CUTC: variants seen among roughly 807,000 people sequenced by gnomAD.
The protein encoded by CUTC is copper homeostasis protein cutC homolog.
CUTC carries 27 observed loss-of-function variants against 36.2 expected under a neutral mutation model. The observed-to-expected ratio is 0.75, with a 90% CI of 0.55 to 1.03. The LOEUF (loss-of-function observed/expected upper bound fraction) is 1.03, where lower values mean the gene tolerates loss of function less well. Ranked by LOEUF, CUTC falls within the 50% of genes least tolerant of loss-of-function variation. The probability of loss-of-function intolerance (pLI) is 0.00; values close to 1 mark genes in which losing one functional copy is unlikely to be tolerated. For synonymous variants in CUTC, 114 were observed against 118.3 expected (o/e 0.96, Z 0.24); for missense variants, 315 against 343.5 (o/e 0.92, Z 0.66).
rs1222246462 is a variant in CUTC, at chr10:99,737,832, T to A, written c.133+1515T>A. 3.4e-5 allele frequency among the ~76,000 whole-genome samples: 5 copies of A among 147,648 alleles called. No homozygotes were observed. In the East Asian group the frequency reaches 1.0e-3, roughly 30 times the overall value. On this transcript the variant is annotated intron_variant, in intron 2 of 8. Transcript: ENST00000370476. Reference sequence around the variant, plus strand: ...TCCCAGACATCATGTTAATTTTAAATATTTCAGTGTGTGTCTCTAAAAAAT... The same window carrying A: ...TCCCAGACATCATGTTAATTTTAAAAATTTCAGTGTGTGTCTCTAAAAAAT...
chr10:99,739,839 T>G, intron 3 of CUTC, 70 bp downstream of exon 3: 1 of 1,238,400 alleles, frequency 8.1e-7, no homozygotes, highest in Non-Finnish European at 1.2e-6. Flanking sequence ...ATAATCAGTT[T>G]CGTTGGGGTC....
chr10:99,744,752 AT>A (rs1244413049), intron 5 of CUTC, among the ~76,000 whole-genome samples: 1 of 151,958 alleles, frequency 6.6e-6, no homozygotes, highest in Non-Finnish European at 1.5e-5. Flanking sequence ...GGTAGATATA[AT>A]TTTTTTTGTT....
Position 99,754,494 on chromosome 10 carries a change from AT to A in CUTC, c.602-31del, listed in dbSNP as rs1564658578. 4 of 1,364,712 alleles carry A rather than the reference AT, an allele frequency of 2.9e-6. No homozygotes were observed. The East Asian group carries it at 6.9e-5, about 24-fold the overall frequency. The allele number at this position is 1,364,712 out of a possible 1,614,324, so 84.5% of individuals were successfully genotyped here. On this transcript the variant is annotated intron_variant, in intron 7 of 8. Transcript: ENST00000370476. Reference sequence around the variant, plus strand: ...TTCCTTAAATTTTATGCAAAATTCTATTTTACTTAATGTGTTACTTATTCTT... The same window carrying A: ...TTCCTTAAATTTTATGCAAAATTCTATTTACTTAATGTGTTACTTATTCTT...
chr10:99,750,143 A>G (rs1309906748), intron 6 of CUTC, among the ~76,000 whole-genome samples: 2 of 152,014 alleles, frequency 1.3e-5, no homozygotes, highest in South Asian at 2.1e-4. Flanking sequence ...ATTGGGGGGG[A>G]AAATGACTTT....
Position 99,739,786 on chromosome 10 carries a change from C to A in CUTC, c.193+17C>A. 6.2e-7 allele frequency: 1 copy of A among 1,602,262 alleles called. No homozygotes were observed. Among genetic ancestry groups the A allele is most frequent in the South Asian group, 1.1e-5 (1 of 88,470 alleles). On this transcript the variant is annotated intron_variant, in intron 3 of 8. Coordinates refer to ENST00000370476, the MANE Select transcript of CUTC (RefSeq NM_015960.3). ...CCAGCATGGGTAAGTGTCCATTTTT[C>A]CCAGGTTTTCTGATTGGAGTTCATA...
In CUTC at chr10:99,750,394, C is replaced by A; in HGVS notation, c.599C>A (p.Pro200Gln). 6.3e-7 allele frequency: 1 copy of A among 1,585,672 alleles called. No homozygotes were observed. The highest frequency in any genetic ancestry group is 8.5e-7 in the Non-Finnish European group (1 of 1,170,688). The change falls in exon 7 of 9, where the codon CCA becomes CAA. Residue 200 changes from proline (P) to glutamine (Q), a missense_variant and splice_region_variant. Physicochemically the swap from Pro to Gln is moderately conservative, Grantham distance 76. Transcript: ENST00000370476. ...GCAAAAGGCAGGATTGTGGTAATGC[C>A]AGGTATTTATTTATCTATCAATTCA... ...EQAKGRIVVM[P>Q]GGGITDRNLQ...
In CUTC at chr10:99,736,258, G is replaced by C; in HGVS notation, c.74G>C (p.Gly25Ala). 1 of 1,613,862 alleles carries C rather than the reference G, an allele frequency of 6.2e-7. No individual in the cohort carries two copies. Among genetic ancestry groups the C allele is most frequent in the African/African-American group, 1.3e-5 (1 of 75,038 alleles). The change falls in exon 2 of 9, where the codon GGA (glycine) becomes GCA (alanine). Residue 25 changes from glycine (G) to alanine (A), a missense_variant. By Grantham distance (60) the Gly-to-Ala change is moderately conservative. Transcript: ENST00000370476. ...IPSGKAGAAN[G>A]FLMEVCVDSV... ...CCATGTATTTTAGGAGCAGCAAATGGATTTCTCATGGAAGTTTGTGTTGAT... is the reference window on the plus strand; with the variant it reads ...CCATGTATTTTAGGAGCAGCAAATGCATTTCTCATGGAAGTTTGTGTTGAT...
At chr10:99,739,541 C>T (rs190237557) in intron 2 of CUTC, among the ~76,000 whole-genome samples, 169 bp from the exon 3 acceptor site, 10 of 152,178 alleles carry the variant, frequency 6.6e-5, no homozygotes, top group Non-Finnish European at 5.9e-5. Flanking sequence ...ATGTGGGCTG[C>T]AGAGTATAGC....
chr10:99,745,694 T>C (rs2037373139), intron 5 of CUTC, among the ~76,000 whole-genome samples: 1 of 152,080 alleles, frequency 6.6e-6, no homozygotes, highest in South Asian at 2.1e-4. Flanking sequence ...CCGTCTGTAC[T>C]AAAAATACAA....
intron 5 of CUTC, among the ~76,000 whole-genome samples, chr10:99,744,662 T>C (rs1386460306): frequency 2.0e-5 from 3 of 152,232 alleles, no homozygotes; most frequent in African/African-American, 7.2e-5. Flanking sequence ...CAAAATTATT[T>C]TTCATTATAG....
rs781415178 is a variant in CUTC, at chr10:99,747,249, T to C, written c.440-8T>C. 1 of 1,612,010 alleles carries C rather than the reference T, an allele frequency of 6.2e-7. No homozygotes were observed. The highest frequency in any genetic ancestry group is 1.3e-5 in the African/African-American group (1 of 74,882). ...GTTCAAAATTCACATCAGTTTTATT[T>C]ATTTCAGCCTTTGACATGGTTCATG... On this transcript the variant is annotated splice_region_variant and splice_polypyrimidine_tract_variant and intron_variant, in intron 5 of 8. Transcript: ENST00000370476.
intron 6 of CUTC, among the ~76,000 whole-genome samples, chr10:99,748,274 A>G (rs1176771568): frequency 6.6e-6 from 1 of 152,212 alleles, no homozygotes; most frequent in Non-Finnish European, 1.5e-5. Flanking sequence ...GAGGCTTAGC[A>G]CAGTGGTTGG....
At position 99,737,585 on chromosome 10, in the gene CUTC, A is replaced by G. The variant is rs564984938; in HGVS notation, c.133+1268A>G. Among the ~76,000 whole-genome samples, 11 of 152,314 alleles carry G rather than the reference A, an allele frequency of 7.2e-5. No individual in the cohort carries two copies. In the South Asian group the frequency reaches 2.3e-3, roughly 32 times the overall value. On this transcript the variant is annotated intron_variant, in intron 2 of 8. Coordinates refer to ENST00000370476, the MANE Select transcript of CUTC (RefSeq NM_015960.3). ...GAGATGGTTGCAAAACTCTGTGTATATACTAAAGAGTACTGAATTGTACAC... is the reference window on the plus strand; with the variant it reads ...GAGATGGTTGCAAAACTCTGTGTATGTACTAAAGAGTACTGAATTGTACAC...
chr10:99,750,335 T>C, intron 6 of CUTC, 34 bp from the exon 7 acceptor site: 1 of 1,544,976 alleles, frequency 6.5e-7, no homozygotes, highest in Non-Finnish European at 8.8e-7. Context: ...AGAAAGATAT[T>C]AAAATTCACT....
At chr10:99,751,722 G>T (rs755253317) in intron 7 of CUTC, among the ~76,000 whole-genome samples, 2 of 152,138 alleles carry the variant, frequency 1.3e-5, no homozygotes, top group Non-Finnish European at 2.9e-5. Flanking sequence ...GCCGGCCATG[G>T]TGGCATGTGC....
At chr10:99,736,392 T>A in intron 2 of CUTC, 75 bp downstream of exon 2, 1 of 1,099,400 alleles carries the variant, frequency 9.1e-7, no homozygotes. Flanking sequence ...TGTGCTTATC[T>A]CAGAAGCCCT....
At chr10:99,749,328 G>A (rs1423821741) in intron 6 of CUTC, among the ~76,000 whole-genome samples, 1 of 152,164 alleles carries the variant, frequency 6.6e-6, no homozygotes, top group African/African-American at 2.4e-5. Flanking sequence ...CTTCTGCAAA[G>A]TTAGGATAAT....
intron 2 of CUTC, among the ~76,000 whole-genome samples, chr10:99,738,086 C>T (rs986212207): frequency 1.3e-4 from 19 of 150,618 alleles, no homozygotes; most frequent in East Asian, 5.9e-4. Flanking sequence ...GCGGAGGTTG[C>T]GTGAGCCGAG....
intron 7 of CUTC, among the ~76,000 whole-genome samples, chr10:99,753,825 T>C (rs1198509879): frequency 6.6e-6 from 1 of 152,032 alleles, no homozygotes; most frequent in East Asian, 1.9e-4. Flanking sequence ...TTTAATGGCT[T>C]GAGATACAAA....
Sources: gnomAD v4.1 joint callset for allele counts (sites outside exome capture counted in the v4.1 genomes callset) on GRCh38, gnomAD v4.1.1 for gene constraint, MANE v1.5 for transcripts, NCBI Gene and HGNC (gene_info 2026-07-23, HGNC 2026-07-21) for gene names.